TMEM161B: variants seen among roughly 807,000 people sequenced by gnomAD.
The protein encoded by TMEM161B is transmembrane protein 161B.
TMEM161B carries 34 observed loss-of-function variants against 61.8 expected under a neutral mutation model. That is an observed-to-expected ratio of 0.55 (90% CI 0.42 to 0.73). The LOEUF (loss-of-function observed/expected upper bound fraction) is 0.73. Among genes scored for constraint, TMEM161B ranks in the 30% least tolerant of loss-of-function variants. The pLI is 0.00. For missense variants in TMEM161B, 456 were observed against 558.5 expected, an observed-to-expected ratio of 0.82 and a Z score of 1.85; for synonymous variants, 167 against 192.8, an observed-to-expected ratio of 0.87 and a Z score of 1.11.
chr5:88,191,269 A>G (rs1305498667), downstream of TMEM161B, among the ~76,000 whole-genome samples: 2 of 152,232 alleles, frequency 1.3e-5, no homozygotes, highest in African/African-American at 2.4e-5. Flanking sequence ...ATAGCAGAAG[A>G]GGAAGTCCTA....
At chr5:88,203,617 C>T (rs537514400) in intron 8 of TMEM161B, among the ~76,000 whole-genome samples, 7 of 151,514 alleles carry the variant, frequency 4.6e-5, no homozygotes, top group South Asian at 2.1e-4. Flanking sequence ...TGCAACAACC[C>T]GCAACTGAGG....
At chr5:88,264,884 G>A (rs1756164879) in intron 1 of TMEM161B, among the ~76,000 whole-genome samples, 1 of 151,650 alleles carries the variant, frequency 6.6e-6, no homozygotes. Flanking sequence ...GTTAAACAAT[G>A]AGAACACATG....
intron 1 of TMEM161B, among the ~76,000 whole-genome samples, chr5:88,251,701 T>C (rs574270228): frequency 3.9e-5 from 6 of 152,306 alleles, no homozygotes; most frequent in African/African-American, 1.4e-4. Context: ...AAATGATTTA[T>C]GATCTTAAAC....
chr5:88,240,738 G>T, intron 2 of TMEM161B, 75 bp downstream of exon 2: 1 of 1,127,462 alleles, frequency 8.9e-7, no homozygotes, highest in East Asian at 2.4e-5. Context: ...TTTAGAAACA[G>T]TAACTAGGAA....
intron 1 of TMEM161B, among the ~76,000 whole-genome samples, chr5:88,252,978 A>G (rs1475377492): frequency 6.6e-6 from 1 of 152,182 alleles, no homozygotes; most frequent in Non-Finnish European, 1.5e-5. Context: ...GTAGTGATTT[A>G]GGGCAGAAAG....
Position 88,268,842 on chromosome 5 carries a change from CT to C in TMEM161B, c.-120del. 6.4e-7 allele frequency: 1 copy of C among 1,558,644 alleles called. No homozygotes were observed. Among genetic ancestry groups the C allele is most frequent in the Non-Finnish European group, 8.7e-7 (1 of 1,143,366 alleles). ...AACAGCGAAAGAGAGGGTCTTCCGG[CT>C]CTGCCGGAAGTTGTGCGCGCGCGGG... On this transcript the variant is annotated 5_prime_UTR_variant, in exon 1 of 12. Coordinates refer to ENST00000296595, the MANE Select transcript of TMEM161B (RefSeq NM_153354.5).
chr5:88,216,316 T>A (rs530849004), intron 5 of TMEM161B, among the ~76,000 whole-genome samples: 1 of 152,310 alleles, frequency 6.6e-6, no homozygotes, highest in African/African-American at 2.4e-5. Flanking sequence ...AAAAGTAACA[T>A]GACATATAAT....
rs148653545 is a variant in TMEM161B at position 88,205,063 on chromosome 5, G to A, written c.800+751C>T. ...GGCTTCTACTGCAAAACAAAACGAT[G>A]AGACAGGAACTTTGATCTGCATATG... On this transcript the variant is annotated intron_variant, in intron 8 of 11. Coordinates refer to ENST00000296595, the MANE Select transcript of TMEM161B (RefSeq NM_153354.5). Among the ~76,000 whole-genome samples, 1,107 of 152,268 alleles carry A rather than the reference G, an allele frequency of 7.3e-3. 16 individuals are homozygous for A. The highest frequency in any genetic ancestry group is 0.026 in the African/African-American group (1,061 of 41,556).
chr5:88,237,565 T>C (rs569108307), intron 2 of TMEM161B, among the ~76,000 whole-genome samples: 1 of 152,108 alleles, frequency 6.6e-6, no homozygotes, highest in African/African-American at 2.4e-5. Flanking sequence ...ATTAATTTTA[T>C]AACACTGAGA....
At chr5:88,248,766 C>CA (rs1199144785) in intron 1 of TMEM161B, among the ~76,000 whole-genome samples, 1 of 148,004 alleles carries the variant, frequency 6.8e-6, no homozygotes, top group Non-Finnish European at 1.5e-5. Context: ...TCCAAGAAGA[C>CA]AAAAAAGCTT....
In TMEM161B at chr5:88,238,574, A is replaced by C. The variant is rs80033396; in HGVS notation, c.107+2239T>G. Reference sequence around the variant, plus strand: ...AAAAAAATTCATGATCCTCTCCTTAAATTCCTTTAAGCACTTTATAGACCC... The same window carrying C: ...AAAAAAATTCATGATCCTCTCCTTACATTCCTTTAAGCACTTTATAGACCC... On this transcript the variant is annotated intron_variant, in intron 2 of 11. Coordinates refer to ENST00000296595, the MANE Select transcript of TMEM161B (RefSeq NM_153354.5). Among the ~76,000 whole-genome samples the C allele has an allele frequency of 3.6e-3, 547 of 152,110 alleles. 1 individual carries two copies. The highest frequency in any genetic ancestry group is 0.013 in the African/African-American group (528 of 41,488).
rs202011902 is a variant in TMEM161B at position 88,224,959 on chromosome 5, G to GTTTTTTTT, written c.289+809_289+810insAAAAAAAA. Among the ~76,000 whole-genome samples, 23 of 101,216 alleles carry GTTTTTTTT rather than the reference G, an allele frequency of 2.3e-4. 4 individuals carry two copies. Among genetic ancestry groups the GTTTTTTTT allele is most frequent in the East Asian group, 6.7e-4 (2 of 2,982 alleles). The allele number at this position is 101,216 out of a possible 152,430, so 66.4% of individuals were successfully genotyped here. ...ATAATACACATAACACACAAAATATGTTTTTGTTTTTTTTTTTTTTTTTTT... is the reference window on the plus strand; with the variant it reads ...ATAATACACATAACACACAAAATATGTTTTTTTTTTTTTGTTTTTTTTTTTTTTTTTTT... On this transcript the variant is annotated intron_variant, in intron 4 of 11. Transcript: ENST00000296595.
At chr5:88,204,891 AG>A (rs1745161845) in intron 8 of TMEM161B, among the ~76,000 whole-genome samples, 1 of 152,174 alleles carries the variant, frequency 6.6e-6, no homozygotes, top group South Asian at 2.1e-4. Context: ...GGGAAATGAC[AG>A]GTAAGAGAGA....
intron 1 of TMEM161B, among the ~76,000 whole-genome samples, chr5:88,248,932 T>C (rs1001796819): frequency 3.3e-5 from 5 of 152,088 alleles, no homozygotes; most frequent in Admixed American, 6.6e-5. Flanking sequence ...TAAGCCTTCT[T>C]TTTTTTCCCC....
intron 1 of TMEM161B, among the ~76,000 whole-genome samples, chr5:88,243,433 G>A (rs1274003932): frequency 6.6e-6 from 1 of 151,764 alleles, no homozygotes; most frequent in Non-Finnish European, 1.5e-5. Flanking sequence ...TTCTTTTAAT[G>A]GCTGGATAGT....
intron 2 of TMEM161B, among the ~76,000 whole-genome samples, chr5:88,234,214 TTAAAGA>T (rs1462141726): frequency 6.6e-6 from 1 of 152,142 alleles, no homozygotes; most frequent in Admixed American, 6.5e-5. Flanking sequence ...TTTTACAAAT[TTAAAGA>T]TAAAGAAGAG....
downstream of TMEM161B, chr5:88,190,173 T>C (rs1384765139): frequency 1.0e-5 from 7 of 701,052 alleles, no homozygotes; most frequent in Non-Finnish European, 1.6e-5. Flanking sequence ...CTTTGGCATC[T>C]CTGTGAAGTC....
chr5:88,267,750 C>A (rs1183880164), intron 1 of TMEM161B, among the ~76,000 whole-genome samples: 1 of 152,164 alleles, frequency 6.6e-6, no homozygotes, highest in Non-Finnish European at 1.5e-5. Context: ...CCCCCCTACC[C>A]CTTGTTTACC....
chr5:88,225,486 A>G (rs1345347675), intron 4 of TMEM161B, among the ~76,000 whole-genome samples: 1 of 152,224 alleles, frequency 6.6e-6, no homozygotes, highest in Admixed American at 6.5e-5. Flanking sequence ...CAGTAAAAGG[A>G]AGTCTAGAAT....
Sources: gnomAD v4.1 joint callset for allele counts (sites outside exome capture counted in the v4.1 genomes callset) on GRCh38, gnomAD v4.1.1 for gene constraint, MANE v1.5 for transcripts, NCBI Gene and HGNC (gene_info 2026-07-23, HGNC 2026-07-21) for gene names.